Variants in SLC6A18 observed in about 807,000 individuals in gnomAD.
SLC6A18 encodes the protein inactive sodium-dependent neutral amino acid transporter B(0)AT3.
In SLC6A18, 58 loss-of-function variants were observed where a neutral mutation model predicts 62.9. That is an observed-to-expected ratio of 0.92 (90% CI 0.75 to 1.15). The LOEUF (loss-of-function observed/expected upper bound fraction) is 1.15. SLC6A18 is among the 50% of genes most tolerant of loss of function. The pLI, the probability that SLC6A18 is intolerant of heterozygous loss-of-function variation, is 0.00. For missense variants in SLC6A18, 793 were observed against 836.6 expected, an observed-to-expected ratio of 0.95 and a Z score of 0.64; for synonymous variants, 382 against 365.8, an observed-to-expected ratio of 1.04 and a Z score of -0.51.
At chr5:1,245,204 A>C (rs1747187757) in intron 11 of SLC6A18, among the ~76,000 whole-genome samples, 1 of 152,164 alleles carries the variant, frequency 6.6e-6, no homozygotes, top group South Asian at 2.1e-4. Flanking sequence ...ACTGCCACCC[A>C]GTGGGTCAGT....
rs561140513 is a variant in SLC6A18, at chr5:1,245,748, G to A, written c.1657-100G>A. 296 of 1,264,542 alleles carry A rather than the reference G, an allele frequency of 2.3e-4. 2 individuals carry two copies. The African/African-American group carries it at 4.0e-3, about 17-fold the overall frequency. The allele number at this position is 1,264,542 out of a possible 1,614,324, so 78.3% of individuals were successfully genotyped here. On this transcript the variant is annotated intron_variant, in intron 11 of 11. Coordinates refer to ENST00000324642, the MANE Select transcript of SLC6A18 (RefSeq NM_182632.3). ...GCCTTTTCCATTCCCATCCAAGTCC[G>A]GGTGGGCAGGTGGCTCTTGCCCCTT... is the stretch of plus-strand genomic sequence containing the variant.
chr5:1,243,745 A>G lies in SLC6A18; in HGVS notation c.1322A>G (p.Lys441Arg). Residue 441 changes from lysine (K) to arginine (R), a missense_variant, in exon 9 of 12, where the codon AAG becomes AGG. Physicochemically the swap from Lys to Arg is conservative, Grantham distance 26. Transcript: ENST00000324642. The surrounding 1 kb of genome is among the most constrained non-coding windows in gnomAD (Gnocchi z 6.5). The stretch of plus-strand genomic sequence containing the variant: ...GGGGTCCTGCCTAGATGGGTCCCCA[A>G]GGAGGCCCTGACTGGTGAGCGCACA... ...DVGVLPRWVP[K>R]EALTGLVCLV... is the part of the protein sequence containing the mutation. The G allele has an allele frequency of 6.2e-7, 1 of 1,607,938 alleles. No homozygotes were observed. Among genetic ancestry groups the G allele is most frequent in the Non-Finnish European group, 8.5e-7 (1 of 1,176,486 alleles).
At chr5:1,225,912 GC>G (rs1746547826) in intron 1 of SLC6A18, among the ~76,000 whole-genome samples, 1 of 152,286 alleles carries the variant, frequency 6.6e-6, no homozygotes, top group African/African-American at 2.4e-5. Flanking sequence ...GCAGCTTCCT[GC>G]CAGGCGTCAG....
At chr5:1,236,795 C>T (rs1371846611) in intron 4 of SLC6A18, among the ~76,000 whole-genome samples, 2 of 149,786 alleles carry the variant, frequency 1.3e-5, no homozygotes, top group African/African-American at 2.5e-5. Flanking sequence ...GTGCCCCATG[C>T]CCTGTGCAGT....
rs562326695 is a variant in SLC6A18, at chr5:1,244,635, C to T, written c.1524C>T (p.Thr508=). The T allele has an allele frequency of 1.3e-4, 213 of 1,606,630 alleles. No homozygotes were observed. In the South Asian group the frequency reaches 1.8e-3, roughly 14 times the overall value. Residue 508 remains threonine (T), a synonymous_variant, in exon 11 of 12, where the codon ACC becomes ACT. Transcript: ENST00000324642. ...KRFCDDIAWM[T]GRRPSPYWRL... is the part of the protein sequence containing the mutation. Reference sequence around the variant, plus strand: ...TCTGCGATGACATTGCGTGGATGACCGGGAGGCGGCCCAGCCCCTACTGGC... The same window carrying T: ...TCTGCGATGACATTGCGTGGATGACTGGGAGGCGGCCCAGCCCCTACTGGC...
chr5:1,242,896 G>A (rs200243395), intron 8 of SLC6A18, 33 bp downstream of exon 8: 282 of 1,559,862 alleles, frequency 1.8e-4, no homozygotes, highest in East Asian at 1.0e-3. Flanking sequence ...AGCCAGGCAG[G>A]GCCGTCCACA....
At position 1,241,570 on chromosome 5, in the gene SLC6A18, C is replaced by A. The variant is rs760279185; in HGVS notation, c.974+911C>A. Among the ~76,000 whole-genome samples, 2 of 152,064 alleles carry A rather than the reference C, an allele frequency of 1.3e-5. No individual in the cohort carries two copies. Among genetic ancestry groups the A allele is most frequent in the African/African-American group, 4.8e-5 (2 of 41,390 alleles). ...ACCTGATGGCACTTTTCAACGGGGA[C>A]GTCACCAAGAAAACGCACACAAAAG... On this transcript the variant is annotated intron_variant, in intron 7 of 11. Coordinates refer to ENST00000324642, the MANE Select transcript of SLC6A18 (RefSeq NM_182632.3). This position sits in a 1 kb window ranked among gnomAD's most constrained non-coding sequence, Gnocchi z 7.8.
rs1162602873 is a variant in SLC6A18, at chr5:1,239,506, C to G, written c.789C>G (p.Phe263Leu). 6.2e-7 allele frequency: 1 copy of G among 1,614,208 alleles called. No individual in the cohort carries two copies. The highest frequency in any genetic ancestry group is 1.1e-5 in the South Asian group (1 of 91,090). Residue 263 changes from phenylalanine (F) to leucine (L), a missense_variant, in exon 6 of 12, where the codon TTC becomes TTG. By Grantham distance (22) the Phe-to-Leu change is conservative (BLOSUM62 0). Transcript: ENST00000324642. ...VWLDAATQIF[F>L]SLSLAFGGHI... Reference sequence around the variant, plus strand: ...TGGACGCAGCCACCCAGATATTCTTCTCTCTGTCCCTGGCCTTCGGAGGAC... The same window carrying G: ...TGGACGCAGCCACCCAGATATTCTTGTCTCTGTCCCTGGCCTTCGGAGGAC...
chr5:1,235,042 C>T (rs1746848030), intron 3 of SLC6A18, among the ~76,000 whole-genome samples: 1 of 152,224 alleles, frequency 6.6e-6, no homozygotes, highest in Non-Finnish European at 1.5e-5. Context: ...AAGTGGGAGT[C>T]ACAGGACAAT....
intron 1 of SLC6A18, among the ~76,000 whole-genome samples, chr5:1,227,067 G>A (rs1340584770): frequency 2.0e-4 from 27 of 137,706 alleles, no homozygotes; most frequent in African/African-American, 4.6e-4. Flanking sequence ...CACCTTGCCC[G>A]CCGACCCCTT....
chr5:1,237,852 G>C, intron 4 of SLC6A18, 98 bp from the exon 5 acceptor site: 1 of 921,854 alleles, frequency 1.1e-6, no homozygotes, highest in Non-Finnish European at 1.7e-6. Flanking sequence ...CAGCCACTCT[G>C]ACCACAAGGG....
chr5:1,243,264 T>C lies in SLC6A18; in HGVS notation c.1132-291T>C, dbSNP rs941669368. Among the ~76,000 whole-genome samples, 1 of 151,992 alleles carries C rather than the reference T, an allele frequency of 6.6e-6. No homozygotes were observed. The highest frequency in any genetic ancestry group is 1.5e-5 in the Non-Finnish European group (1 of 67,962). ...CAGGGGGGCACAGCCAGGAGGCAGG[T>C]GTGGGATGCATCTCAGGGTGCCTGA... On this transcript the variant is annotated intron_variant, in intron 8 of 11. Transcript: ENST00000324642. The surrounding 1 kb of genome is among the most constrained non-coding windows in gnomAD (Gnocchi z 6.5).
intron 10 of SLC6A18, 48 bp from the exon 11 acceptor site, chr5:1,244,560 T>A (rs1747164699): frequency 6.4e-7 from 1 of 1,559,486 alleles, no homozygotes; most frequent in African/African-American, 1.4e-5. Flanking sequence ...TTGGAGTGGG[T>A]GGACCTTCCA....
rs1215733408 is a variant in SLC6A18 at position 1,243,504 on chromosome 5, G to A, written c.1132-51G>A. The A allele has an allele frequency of 6.4e-7, 1 of 1,571,030 alleles. No individual in the cohort carries two copies. The highest frequency in any genetic ancestry group is 1.7e-5 in the Admixed American group (1 of 59,676). On this transcript the variant is annotated intron_variant, in intron 8 of 11. Coordinates refer to ENST00000324642, the MANE Select transcript of SLC6A18 (RefSeq NM_182632.3). The surrounding 1 kb of genome is among the most constrained non-coding windows in gnomAD (Gnocchi z 6.5). ...GTCCTGCAGGCAGGCGTGTGTGTGT[G>A]GTGGAGTGTGTGTGTGCGTGGCCTG...
Position 1,240,676 on chromosome 5 carries a change from C to T in SLC6A18, c.974+17C>T, listed in dbSNP as rs201115767. ...CCTGGACAGGTGAGCACAGGTGCCG[C>T]GCCTGGCTCTGTGGGGCACAGCCGC... On this transcript the variant is annotated intron_variant, in intron 7 of 11. Coordinates refer to ENST00000324642, the MANE Select transcript of SLC6A18 (RefSeq NM_182632.3). The T allele has an allele frequency of 8.1e-6, 13 of 1,612,684 alleles. No homozygotes were observed. In the East Asian group the frequency reaches 8.9e-5, roughly 11 times the overall value.
intron 4 of SLC6A18, 145 bp downstream of exon 4, chr5:1,235,807 T>A (rs1334512380): frequency 1.3e-6 from 1 of 798,642 alleles, no homozygotes; most frequent in Non-Finnish European, 2.0e-6. Context: ...AGGGAATTGA[T>A]CCCATTATCA....
rs1579527034 is a variant in SLC6A18, at chr5:1,232,612, T to A, written c.302-139T>A. 5 of 1,249,878 alleles carry A rather than the reference T, an allele frequency of 4.0e-6. No homozygotes were observed. In the African/African-American group the frequency reaches 7.5e-5, roughly 19 times the overall value. The allele number at this position is 1,249,878 out of a possible 1,614,324, so 77.4% of individuals were successfully genotyped here. A position where few individuals can be genotyped will look rare whatever the true frequency, so the allele number is the denominator to read the frequency against. ...CTGGTGTTGCCATTCACATGTGAGG[T>A]GTGAGGGAGGCCTGGCTTTCAGCTG... On this transcript the variant is annotated intron_variant, in intron 2 of 11. Coordinates refer to ENST00000324642, the MANE Select transcript of SLC6A18 (RefSeq NM_182632.3).
intron 5 of SLC6A18, 83 bp from the exon 6 acceptor site, chr5:1,239,367 C>T (rs1746991198): frequency 2.8e-6 from 3 of 1,052,688 alleles, no homozygotes; most frequent in Non-Finnish European, 4.4e-6. Flanking sequence ...CCAAAGCCAC[C>T]TTGGGAACGT....
chr5:1,234,602 G>A (rs529464112), intron 3 of SLC6A18, among the ~76,000 whole-genome samples: 10 of 152,332 alleles, frequency 6.6e-5, no homozygotes, highest in Admixed American at 2.6e-4. Flanking sequence ...CAATGCACAC[G>A]GCAGGGCCCC....
Sources: allele counts gnomAD v4.1 joint callset (sites outside exome capture counted in the v4.1 genomes callset), GRCh38; gene constraint gnomAD v4.1.1; non-coding constraint Gnocchi (gnomAD v3.1); transcripts MANE v1.5; gene names NCBI Gene and HGNC (gene_info 2026-07-23, HGNC 2026-07-21).